KCNIP4: variants seen among roughly 807,000 people sequenced by gnomAD.
The protein encoded by KCNIP4 is potassium voltage-gated channel interacting protein 4, also known as Kv channel-interacting protein 4.
In KCNIP4, 12 loss-of-function variants were observed where a neutral mutation model predicts 34.0. That is an observed-to-expected ratio of 0.35 (90% CI 0.23 to 0.57). The LOEUF (loss-of-function observed/expected upper bound fraction) is 0.57, where lower values mean the gene tolerates loss of function less well. KCNIP4 is among the 20% of genes least tolerant of loss of function. The probability of loss-of-function intolerance (pLI) is 0.83; values close to 1 mark genes in which losing one functional copy is unlikely to be tolerated. For missense variants in KCNIP4, 238 were observed against 311.7 expected (o/e 0.76, Z 1.78); for synonymous variants, 124 against 102.2 (o/e 1.21, Z -1.29).
chr4:21,753,360 GC>G (rs141308643), intron 1 of KCNIP4, among the ~76,000 whole-genome samples: 17,853 of 152,130 alleles, frequency 0.12, 1,147 homozygotes, highest in Middle Eastern at 0.14. Flanking sequence ...TATTTTAGAG[GC>G]CATCACCTCT....
intron 1 of KCNIP4, among the ~76,000 whole-genome samples, chr4:20,990,657 G>A (rs1442183420): frequency 6.6e-6 from 1 of 152,198 alleles, no homozygotes; most frequent in Admixed American, 6.5e-5. Context: ...ACTTGCATTA[G>A]AATATAAGCT....
At chr4:21,052,231 T>A (rs1743001999) in intron 1 of KCNIP4, among the ~76,000 whole-genome samples, 1 of 152,222 alleles carries the variant, frequency 6.6e-6, no homozygotes, top group Admixed American at 6.5e-5. Flanking sequence ...CATGCCCTTT[T>A]CTAAGAATTC....
chr4:21,900,434 C>T (rs375735653), intron 1 of KCNIP4, among the ~76,000 whole-genome samples: 2 of 152,280 alleles, frequency 1.3e-5, no homozygotes, highest in East Asian at 3.9e-4. Flanking sequence ...CTCATCTTTG[C>T]CTGCCTTTAC....
At chr4:21,394,367 T>C (rs1171009067) in intron 1 of KCNIP4, among the ~76,000 whole-genome samples, 1 of 152,150 alleles carries the variant, frequency 6.6e-6, no homozygotes, top group Non-Finnish European at 1.5e-5. Flanking sequence ...CTATCCCTGA[T>C]AGACACAACC....
In KCNIP4 at chr4:20,987,311, T is replaced by C. The variant is rs184836285; in HGVS notation, c.62-104602A>G. Among the ~76,000 whole-genome samples, 605 of 152,242 alleles carry C rather than the reference T, an allele frequency of 4.0e-3. 1 individual carries two copies. The highest frequency in any genetic ancestry group is 0.01 in the Middle Eastern group (3 of 292). On this transcript the variant is annotated intron_variant, in intron 1 of 8. Transcript: ENST00000382152. Reference sequence around the variant, plus strand: ...AGTAACTTGCTAGCCCCAACCCAGTTTGTTATATTAAAACATCCTGGCTTT... The same window carrying C: ...AGTAACTTGCTAGCCCCAACCCAGTCTGTTATATTAAAACATCCTGGCTTT...
At chr4:21,518,915 T>A (rs567521853) in intron 1 of KCNIP4, among the ~76,000 whole-genome samples, 143 of 152,222 alleles carry the variant, frequency 9.4e-4, no homozygotes, top group Non-Finnish European at 1.8e-3. Flanking sequence ...GTTGACTGCC[T>A]CTTATGGACC....
chr4:21,620,922 A>C (rs1744956446), intron 1 of KCNIP4, among the ~76,000 whole-genome samples: 1 of 152,180 alleles, frequency 6.6e-6, no homozygotes, highest in South Asian at 2.1e-4. Flanking sequence ...ATGCTTCCCC[A>C]GCTCTGGGCC....
chr4:20,965,748 T>C (rs1734277475), intron 1 of KCNIP4, among the ~76,000 whole-genome samples: 1 of 152,236 alleles, frequency 6.6e-6, no homozygotes, highest in South Asian at 2.1e-4. Context: ...TTTGCAACTA[T>C]AGAATTTCTT....
intron 1 of KCNIP4, among the ~76,000 whole-genome samples, chr4:21,457,115 C>T (rs2109762285): frequency 6.6e-6 from 1 of 152,118 alleles, no homozygotes; most frequent in South Asian, 2.1e-4. Context: ...TTACTGTCTG[C>T]TTCATTGAGG....
chr4:20,992,255 G>T (rs1301472982), intron 1 of KCNIP4, among the ~76,000 whole-genome samples: 2 of 152,150 alleles, frequency 1.3e-5, no homozygotes, highest in Non-Finnish European at 2.9e-5. Context: ...GGAGAAGCAG[G>T]CACTTTCTTC....
chr4:21,726,235 GTAC>G (rs34704652), intron 1 of KCNIP4, among the ~76,000 whole-genome samples: 42,991 of 151,736 alleles, frequency 0.28, 7,236 homozygotes, highest in East Asian at 0.67. Context: ...TAACAAATCA[GTAC>G]TACTGAAATG....
chr4:21,930,807 C>A (rs1201818122), intron 1 of KCNIP4, among the ~76,000 whole-genome samples: 2 of 152,090 alleles, frequency 1.3e-5, no homozygotes, highest in Admixed American at 1.3e-4. Context: ...TTGTAGCTGG[C>A]TCTATTTTAG....
intron 1 of KCNIP4, among the ~76,000 whole-genome samples, chr4:20,906,685 A>T (rs183533446): frequency 7.1e-4 from 108 of 152,320 alleles, no homozygotes; most frequent in Admixed American, 6.5e-3. Flanking sequence ...CATATTTTGC[A>T]CATTAGAGCC....
chr4:20,837,271 G>A (rs1184576550), intron 3 of KCNIP4, among the ~76,000 whole-genome samples: 1 of 151,982 alleles, frequency 6.6e-6, no homozygotes, highest in Non-Finnish European at 1.5e-5. Context: ...AATTAAATTA[G>A]TCAACACAGA....
intron 1 of KCNIP4, among the ~76,000 whole-genome samples, chr4:21,879,629 G>C (rs1290679498): frequency 6.6e-6 from 1 of 152,164 alleles, no homozygotes; most frequent in Non-Finnish European, 1.5e-5. Context: ...AAGGAAAATG[G>C]AACTCATCAA....
At chr4:21,239,148 G>C (rs1172728999) in intron 1 of KCNIP4, among the ~76,000 whole-genome samples, 1 of 151,778 alleles carries the variant, frequency 6.6e-6, no homozygotes, top group Non-Finnish European at 1.5e-5. Context: ...TTAACAAATG[G>C]TGCTGGGAAA....
chr4:21,278,802 A>G (rs1762598422), intron 1 of KCNIP4, among the ~76,000 whole-genome samples: 1 of 152,212 alleles, frequency 6.6e-6, no homozygotes, highest in Non-Finnish European at 1.5e-5. Context: ...AAATTGGCAA[A>G]TTATACATAT....
chr4:21,266,206 C>CA (rs1268004286), intron 1 of KCNIP4, among the ~76,000 whole-genome samples: 1 of 152,154 alleles, frequency 6.6e-6, no homozygotes, highest in African/African-American at 2.4e-5. Flanking sequence ...TATTTGAACT[C>CA]AGACATTCTT....
intron 3 of KCNIP4, among the ~76,000 whole-genome samples, chr4:20,840,119 G>A (rs1719542590): frequency 6.6e-6 from 1 of 152,152 alleles, no homozygotes; most frequent in Non-Finnish European, 1.5e-5. Context: ...TTCCTTGCTA[G>A]ACAACATTTT....
Sources: gnomAD v4.1 joint callset for allele counts (sites outside exome capture counted in the v4.1 genomes callset) on GRCh38, gnomAD v4.1.1 for gene constraint, MANE v1.5 for transcripts, NCBI Gene and HGNC (gene_info 2026-07-23, HGNC 2026-07-21) for gene names.